The following PLCL2 variants were observed in gnomAD, a reference collection of about 807,000 sequenced individuals.
PLCL2 encodes phospholipase C like 2.
A neutral mutation model predicts 79.6 loss-of-function variants in PLCL2; 4 were observed. The observed-to-expected ratio is 0.05, with a 90% CI of 0.02 to 0.11. The LOEUF (loss-of-function observed/expected upper bound fraction) is 0.11. Among genes scored for constraint, PLCL2 ranks in the 10% least tolerant of loss-of-function variants. The pLI is 1.00. For missense variants in PLCL2, 895 were observed against 1,291.0 expected, an observed-to-expected ratio of 0.69 and a Z score of 4.70; for synonymous variants, 484 against 457.7, an observed-to-expected ratio of 1.06 and a Z score of -0.73.
At chr3:17,058,299 CTAATA>C (rs2064911562) in intron 4 of PLCL2, among the ~76,000 whole-genome samples, 1 of 152,152 alleles carries the variant, frequency 6.6e-6, no homozygotes, top group African/African-American at 2.4e-5. Flanking sequence ...AGGCCAGGAA[CTAATA>C]TAATCCCAGA....
At position 17,014,800 on chromosome 3, in the gene PLCL2, G is replaced by T. The variant is rs758286579; in HGVS notation, c.2907G>T (p.Gly969=). ...TGGCGGTGTCTCCCCGCTTTCTGGGGCCCGATAACACACCCCTAGTGGTCC... is the reference window on the plus strand; with the variant it reads ...TGGCGGTGTCTCCCCGCTTTCTGGGTCCCGATAACACACCCCTAGTGGTCC... ...CMLAVSPRFL[G]PDNTPLVVLN... is the part of the protein sequence containing the mutation. The change falls in exon 3 of 6, where the codon GGG becomes GGT. Residue 969 remains glycine (G), a synonymous_variant. Transcript: ENST00000615277. 8.7e-6 allele frequency: 14 copies of T among 1,613,952 alleles called. No individual in the cohort carries two copies. In the African/African-American group the frequency reaches 1.6e-4, roughly 18 times the overall value.
intron 1 of PLCL2, among the ~76,000 whole-genome samples, chr3:16,980,313 G>A (rs2063974700): frequency 6.6e-6 from 1 of 150,472 alleles, no homozygotes; most frequent in Non-Finnish European, 1.5e-5. Flanking sequence ...CGGCTGGCCG[G>A]GCGGAGACGC....
intron 1 of PLCL2, among the ~76,000 whole-genome samples, chr3:16,955,114 T>G (rs1287041722): frequency 6.6e-6 from 1 of 152,274 alleles, no homozygotes; most frequent in Non-Finnish European, 1.5e-5. Context: ...GACTACGTCC[T>G]GAATGGTAAT....
intron 3 of PLCL2, among the ~76,000 whole-genome samples, chr3:17,040,203 G>C (rs1390903206): frequency 6.6e-6 from 1 of 152,098 alleles, no homozygotes; most frequent in East Asian, 1.9e-4. Context: ...CACATAGAGG[G>C]CCTCAGTAAA....
Position 16,885,252 on chromosome 3 carries a change from C to A in PLCL2, c.213C>A (p.Ser71Arg). The change falls in exon 1 of 6, where the codon AGC (serine) becomes AGA (arginine). Residue 71 changes from serine (S) to arginine (R), a missense_variant. By Grantham distance (110) the Ser-to-Arg change is moderately radical. Coordinates refer to ENST00000615277, the MANE Select transcript of PLCL2 (RefSeq NM_001144382.2). ...TGTCCGGGGACGAAGCCCGGGCTAG[C>A]CCTACCAGGGGACCCCGCGGCGTTG... ...LGVSGDEARA[S>R]PTRGPRGVAL... 1.5e-6 allele frequency: 1 copy of A among 667,248 alleles called. No homozygotes were observed. The highest frequency in any genetic ancestry group is 2.7e-6 in the Non-Finnish European group (1 of 368,876). The allele number at this position is 667,248 out of a possible 1,614,324, so 41.3% of individuals were successfully genotyped here. A position where few individuals can be genotyped will look rare whatever the true frequency, so the allele number is the denominator to read the frequency against.
At chr3:17,086,553 ACAAT>A (rs1338442914) in intron 5 of PLCL2, among the ~76,000 whole-genome samples, 2 of 152,234 alleles carry the variant, frequency 1.3e-5, no homozygotes, top group Non-Finnish European at 2.9e-5. Flanking sequence ...ACCACCATAG[ACAAT>A]CCATTAAAGG....
chr3:17,035,654 A>C lies in PLCL2; in HGVS notation c.3019-7220A>C, dbSNP rs955155640. On this transcript the variant is annotated intron_variant, in intron 3 of 5. Coordinates refer to ENST00000615277, the MANE Select transcript of PLCL2 (RefSeq NM_001144382.2). ...TCTGAAATTTTACTTTGTTCATAAC[A>C]CCTCTGCTTAAAATTGTCAAGGGTT... 5 of 395,238 alleles carry C rather than the reference A, an allele frequency of 1.3e-5. No individual in the cohort carries two copies. The Admixed American group carries it at 1.3e-4, about 11-fold the overall frequency. The allele number at this position is 395,238 out of a possible 1,614,324, so 24.5% of individuals were successfully genotyped here.
At chr3:16,895,059 C>A (rs1448854261) in intron 1 of PLCL2, among the ~76,000 whole-genome samples, 3 of 150,746 alleles carry the variant, frequency 2.0e-5, no homozygotes, top group East Asian at 3.9e-4. Context: ...TATGTTGAAA[C>A]ACGTATCTAT....
intron 1 of PLCL2, among the ~76,000 whole-genome samples, chr3:17,004,225 A>G (rs1363284884): frequency 6.6e-6 from 1 of 152,168 alleles, no homozygotes; most frequent in Non-Finnish European, 1.5e-5. Flanking sequence ...TTAGGGTAGA[A>G]GTGATATTCT....
chr3:17,068,192 T>G, intron 5 of PLCL2, 127 bp downstream of exon 5: 1 of 607,314 alleles, frequency 1.6e-6, no homozygotes, highest in Non-Finnish European at 3.0e-6. Flanking sequence ...GATGCAGAAA[T>G]CACATGAAGA....
rs923487013 is a variant in PLCL2, at chr3:17,009,011, T to G, written c.328-663T>G. Reference sequence around the variant, plus strand: ...TAATTTTTTTTTTTTTTGAGACGGATTCTCACTCTGTTGCCCAGGCTGGAG... The same window carrying G: ...TAATTTTTTTTTTTTTTGAGACGGAGTCTCACTCTGTTGCCCAGGCTGGAG... On this transcript the variant is annotated intron_variant, in intron 1 of 5. Coordinates refer to ENST00000615277, the MANE Select transcript of PLCL2 (RefSeq NM_001144382.2). This position sits in a 1 kb window ranked among gnomAD's most constrained non-coding sequence, Gnocchi z 4.0. 2.7e-5 allele frequency among the ~76,000 whole-genome samples: 4 copies of G among 150,484 alleles called. No individual in the cohort carries two copies. The highest frequency in any genetic ancestry group is 7.3e-5 in the African/African-American group (3 of 40,852).
chr3:17,068,768 T>A (rs1038623262), intron 5 of PLCL2, among the ~76,000 whole-genome samples: 1 of 152,224 alleles, frequency 6.6e-6, no homozygotes, highest in Non-Finnish European at 1.5e-5. Flanking sequence ...GCTGATTTTC[T>A]ATTTTATATG....
chr3:16,941,904 C>T (rs771511816), intron 1 of PLCL2, among the ~76,000 whole-genome samples: 2 of 151,274 alleles, frequency 1.3e-5, no homozygotes, highest in Non-Finnish European at 2.9e-5. Flanking sequence ...ATTTGTGATG[C>T]TATACTGAGA....
chr3:17,053,222 C>T (rs1281214827), intron 4 of PLCL2, among the ~76,000 whole-genome samples: 2 of 152,174 alleles, frequency 1.3e-5, no homozygotes, highest in Non-Finnish European at 2.9e-5. Context: ...GGCATCTTCT[C>T]AGCTTCTGTG....
intron 1 of PLCL2, among the ~76,000 whole-genome samples, chr3:16,967,092 A>G (rs531655600): frequency 6.6e-6 from 1 of 152,120 alleles, no homozygotes; most frequent in Non-Finnish European, 1.5e-5. Flanking sequence ...TGCAAATGAC[A>G]TGATCTTGTT....
intron 1 of PLCL2, among the ~76,000 whole-genome samples, chr3:17,003,698 T>C (rs2064232138): frequency 6.6e-6 from 1 of 152,176 alleles, no homozygotes; most frequent in South Asian, 2.1e-4. Flanking sequence ...TGTATCTGTT[T>C]AGAATTTGGG....
intron 1 of PLCL2, among the ~76,000 whole-genome samples, chr3:17,008,072 A>G (rs767354763): frequency 1.6e-4 from 24 of 152,204 alleles, no homozygotes; most frequent in Non-Finnish European, 3.2e-4. Context: ...TAAGCAGGAA[A>G]GTTGAACAGT....
chr3:17,021,004 G>T (rs770130078), intron 3 of PLCL2, among the ~76,000 whole-genome samples: 1 of 152,072 alleles, frequency 6.6e-6, no homozygotes, highest in Admixed American at 6.5e-5. Flanking sequence ...GGTTACTATT[G>T]ATCCCCATCT....
At chr3:17,037,259 C>T (rs1435920969) in intron 3 of PLCL2, among the ~76,000 whole-genome samples, 2 of 152,166 alleles carry the variant, frequency 1.3e-5, no homozygotes, top group African/African-American at 2.4e-5. Context: ...GCCACCTGGG[C>T]GTTTACTGGT....
Sources: allele counts gnomAD v4.1 joint callset (sites outside exome capture counted in the v4.1 genomes callset), GRCh38; gene constraint gnomAD v4.1.1; non-coding constraint Gnocchi (gnomAD v3.1); transcripts MANE v1.5; gene names NCBI Gene and HGNC (gene_info 2026-07-23, HGNC 2026-07-21).